Variants in FILIP1L observed in about 807,000 individuals in gnomAD.
The protein encoded by FILIP1L is filamin A-interacting protein 1-like.
A neutral mutation model predicts 96.6 loss-of-function variants in FILIP1L; 55 were observed. The ratio of observed to expected loss-of-function variants is 0.57; its 90% CI spans 0.46 to 0.71. The LOEUF (loss-of-function observed/expected upper bound fraction) is 0.71, where lower values mean the gene tolerates loss of function less well. Ranked by LOEUF, FILIP1L falls within the 30% of genes least tolerant of loss-of-function variation. The probability of loss-of-function intolerance (pLI) is 0.00; values close to 1 mark genes in which losing one functional copy is unlikely to be tolerated. For missense variants in FILIP1L, 1,304 were observed against 1,321.2 expected, an observed-to-expected ratio of 0.99 and a Z score of 0.20; for synonymous variants, 467 against 473.9, an observed-to-expected ratio of 0.99 and a Z score of 0.19.
intron 4 of FILIP1L, among the ~76,000 whole-genome samples, chr3:99,912,674 G>C (rs1467896210): frequency 1.3e-5 from 2 of 152,152 alleles, no homozygotes; most frequent in Non-Finnish European, 1.5e-5. Flanking sequence ...CACCGCACCT[G>C]GCCCACAGAG....
At chr3:99,981,620 G>A (rs1015100695) in intron 1 of FILIP1L, among the ~76,000 whole-genome samples, 1 of 152,070 alleles carries the variant, frequency 6.6e-6, no homozygotes, top group African/African-American at 2.4e-5. Context: ...ATGAATCCCC[G>A]TTTTGCAAGT....
At chr3:99,848,036 T>C in intron 5 of FILIP1L, 4 of 1,212,326 alleles carry the variant, frequency 3.3e-6, no homozygotes, top group Non-Finnish European at 4.1e-6. Flanking sequence ...AAGATGTATT[T>C]ATACAAGTGC....
chr3:100,060,114 T>G (rs1015687437), intron 1 of FILIP1L, among the ~76,000 whole-genome samples: 4 of 151,844 alleles, frequency 2.6e-5, no homozygotes, highest in Non-Finnish European at 5.9e-5. Flanking sequence ...GGTAAAGGGA[T>G]TTGAGGAAAC....
chr3:99,984,852 CAG>C (rs1437165567), intron 1 of FILIP1L, among the ~76,000 whole-genome samples: 1 of 152,170 alleles, frequency 6.6e-6, no homozygotes, highest in African/African-American at 2.4e-5. Context: ...TGCCAAACAT[CAG>C]CCCCAAAGCA....
intron 5 of FILIP1L, among the ~76,000 whole-genome samples, chr3:99,836,466 T>A (rs1942899899): frequency 6.6e-6 from 1 of 152,128 alleles, no homozygotes; most frequent in South Asian, 2.1e-4. Context: ...ATTTTGGAGA[T>A]GTTGCTTTGA....
At chr3:99,918,625 TAA>T (rs1707028978) in intron 4 of FILIP1L, among the ~76,000 whole-genome samples, 1 of 152,168 alleles carries the variant, frequency 6.6e-6, no homozygotes, top group Non-Finnish European at 1.5e-5. Context: ...TGTGCAGTTT[TAA>T]GAGTATGGTT....
chr3:99,842,273 A>G (rs1045574655), intron 5 of FILIP1L, among the ~76,000 whole-genome samples: 6 of 152,208 alleles, frequency 3.9e-5, no homozygotes, highest in African/African-American at 1.4e-4. Context: ...CATAAGGAGG[A>G]GCTAAGCTAT....
intron 1 of FILIP1L, among the ~76,000 whole-genome samples, chr3:99,983,448 ATATATATATATGTG>A (rs1709211765): frequency 2.4e-4 from 2 of 8,246 alleles, no homozygotes; most frequent in African/African-American, 1.0e-3. Flanking sequence ...ATATGTATGT[ATATATATATATGTG>A]TGTATATATA....
intron 1 of FILIP1L, among the ~76,000 whole-genome samples, chr3:100,052,160 T>C (rs1245770430): frequency 2.0e-5 from 3 of 152,196 alleles, no homozygotes; most frequent in Non-Finnish European, 4.4e-5. Flanking sequence ...GACCCCATGA[T>C]GCACACTTAT....
intron 1 of FILIP1L, among the ~76,000 whole-genome samples, chr3:99,975,733 T>C (rs915666685): frequency 1.4e-4 from 21 of 152,316 alleles, no homozygotes; most frequent in African/African-American, 5.1e-4. Context: ...AAGTCCTGAG[T>C]ATATACTCAT....
At chr3:99,916,582 A>G (rs1451736358) in intron 4 of FILIP1L, among the ~76,000 whole-genome samples, 3 of 152,140 alleles carry the variant, frequency 2.0e-5, no homozygotes, top group Non-Finnish European at 4.4e-5. Flanking sequence ...GCTGTGCATT[A>G]TATAATTAGT....
At chr3:100,004,393 A>T (rs1270959020) in intron 1 of FILIP1L, among the ~76,000 whole-genome samples, 1 of 152,200 alleles carries the variant, frequency 6.6e-6, no homozygotes, top group African/African-American at 2.4e-5. Flanking sequence ...AGAAGATCAA[A>T]TATTCTTTGT....
chr3:99,897,295 G>A (rs974903513), intron 4 of FILIP1L, among the ~76,000 whole-genome samples: 4 of 151,962 alleles, frequency 2.6e-5, no homozygotes, highest in Admixed American at 6.6e-5. Flanking sequence ...GGAGGCCTCC[G>A]CGGGAGGAGG....
At chr3:99,931,786 C>T (rs1280774471) in intron 1 of FILIP1L, among the ~76,000 whole-genome samples, 2 of 152,162 alleles carry the variant, frequency 1.3e-5, no homozygotes, top group Non-Finnish European at 2.9e-5. Context: ...GTTTAAAGGA[C>T]ACATTAGCTC....
intron 1 of FILIP1L, among the ~76,000 whole-genome samples, chr3:100,078,107 T>C (rs2065877974): frequency 6.6e-6 from 1 of 152,084 alleles, no homozygotes; most frequent in South Asian, 2.1e-4. Flanking sequence ...ATATGCTGGT[T>C]TGATAAAAAT....
chr3:100,099,919 T>A (rs995616547), intron 1 of FILIP1L, among the ~76,000 whole-genome samples: 14 of 152,222 alleles, frequency 9.2e-5, no homozygotes, highest in African/African-American at 3.1e-4. Flanking sequence ...GTTGAAGAAT[T>A]CTGAAGCCAC....
intron 5 of FILIP1L, among the ~76,000 whole-genome samples, chr3:99,832,353 C>T (rs1942701586): frequency 6.6e-6 from 1 of 151,148 alleles, no homozygotes; most frequent in Non-Finnish European, 1.5e-5. Context: ...GCCTCAGCCT[C>T]CCCAGTAGCT....
chr3:100,073,658 TAA>T (rs1434563428), intron 1 of FILIP1L, among the ~76,000 whole-genome samples: 2 of 152,194 alleles, frequency 1.3e-5, no homozygotes, highest in Non-Finnish European at 2.9e-5. Context: ...TTCATGCCAG[TAA>T]TAAACCTTGA....
intron 1 of FILIP1L, among the ~76,000 whole-genome samples, chr3:100,093,692 A>G (rs902594197): frequency 2.6e-5 from 4 of 152,106 alleles, no homozygotes; most frequent in African/African-American, 7.2e-5. Context: ...TATAGCCACA[A>G]CCATTTTCCT....
Sources: gnomAD v4.1 joint callset for allele counts (sites outside exome capture counted in the v4.1 genomes callset) on GRCh38, gnomAD v4.1.1 for gene constraint, MANE v1.5 for transcripts, NCBI Gene and HGNC (gene_info 2026-07-23, HGNC 2026-07-21) for gene names.